Variants in ZC3H11A observed in about 807,000 individuals in gnomAD.
ZC3H11A encodes the protein zinc finger CCCH domain-containing protein 11A.
Under a neutral mutation model 90.8 loss-of-function variants are expected in ZC3H11A, and 22 were observed. The observed-to-expected ratio is 0.24, with a 90% CI of 0.17 to 0.35. ZC3H11A has a LOEUF of 0.35. Ranked by LOEUF, ZC3H11A falls within the 10% of genes least tolerant of loss-of-function variation. ZC3H11A has a pLI of 1.00. For missense variants in ZC3H11A, 701 were observed against 964.9 expected (o/e 0.73, Z 3.62); for synonymous variants, 294 against 339.8 (o/e 0.87, Z 1.48).
Position 203,829,267 on chromosome 1 carries a change from G to T in ZC3H11A, c.299-184G>T. 9.6e-6 allele frequency: 6 copies of T among 626,552 alleles called. No individual in the cohort carries two copies. In the South Asian group the frequency reaches 1.2e-4, roughly 12 times the overall value. 38.8% of individuals were successfully genotyped at this position (626,552 alleles called of 1,614,324 possible). A position where few individuals can be genotyped will look rare whatever the true frequency, so the allele number is the denominator to read the frequency against. ...TGTGTTTATGTACAGTGGAGAGTTA[G>T]TGGAGAGTTAATTAGGTAAAAGCAC... On this transcript the variant is annotated intron_variant, in intron 5 of 17. Coordinates refer to ENST00000367210, the MANE Select transcript of ZC3H11A (RefSeq NM_001376342.1).
At chr1:203,836,372 C>G (rs1469471737) in intron 10 of ZC3H11A, among the ~76,000 whole-genome samples, 1 of 152,100 alleles carries the variant, frequency 6.6e-6, no homozygotes, top group South Asian at 2.1e-4. Flanking sequence ...TGATACCTTG[C>G]AAACAATGTA....
chr1:203,845,646 T>G (rs1687681223), intron 12 of ZC3H11A, among the ~76,000 whole-genome samples: 1 of 151,918 alleles, frequency 6.6e-6, no homozygotes, highest in African/African-American at 2.4e-5. Flanking sequence ...GGTAAATCTC[T>G]TGAGACCAGG....
rs756302658 is a variant in ZC3H11A at position 203,849,890 on chromosome 1, G to A, written c.1803G>A (p.Val601=). The A allele has an allele frequency of 6.2e-7, 1 of 1,614,084 alleles. No homozygotes were observed. Among genetic ancestry groups the A allele is most frequent in the Non-Finnish European group, 8.5e-7 (1 of 1,180,022 alleles). Residue 601 remains valine (V), a synonymous_variant, in exon 15 of 18, where the codon GTG becomes GTA. Coordinates refer to ENST00000367210, the MANE Select transcript of ZC3H11A (RefSeq NM_001376342.1). ...CAGAGAAACCAGTGCTCACTGCTGTGCCAGGAATCACACGGCACCTGACCA... is the reference window on the plus strand; with the variant it reads ...CAGAGAAACCAGTGCTCACTGCTGTACCAGGAATCACACGGCACCTGACCA... ...QVAEKPVLTA[V]PGITRHLTKR... is the part of the protein sequence containing the mutation.
chr1:203,798,902 A>G, intron 1 of ZC3H11A: 2 of 1,536,144 alleles, frequency 1.3e-6, no homozygotes, highest in South Asian at 1.2e-5. Flanking sequence ...TACCTCAGTT[A>G]TATGATTGTG....
Position 203,818,556 on chromosome 1 carries a change from C to G in ZC3H11A, c.55-14C>G, listed in dbSNP as rs769755052. On this transcript the variant is annotated splice_polypyrimidine_tract_variant and intron_variant, in intron 3 of 17. Transcript: ENST00000367210. ...TTCAATGCTACAAATAGAGTGTTCT[C>G]TATTTGTTTACAGGGTGACAGCTGC... The G allele has an allele frequency of 5.0e-6, 8 of 1,613,678 alleles. No homozygotes were observed. The East Asian group carries it at 1.8e-4, about 36-fold the overall frequency.
chr1:203,813,054 A>C (rs1038305427), intron 2 of ZC3H11A, among the ~76,000 whole-genome samples: 1 of 152,054 alleles, frequency 6.6e-6, no homozygotes, highest in Non-Finnish European at 1.5e-5. Context: ...CAAGAGTTAT[A>C]TATTTTGTAT....
At chr1:203,835,808 G>A (rs113996795) in intron 10 of ZC3H11A, 2,881 of 241,054 alleles carry the variant, frequency 0.012, 78 homozygotes, top group African/African-American at 0.056. Flanking sequence ...TTTCATCTGG[G>A]GCATAAACAC....
intron 2 of ZC3H11A, chr1:203,805,900 G>T: frequency 1.4e-6 from 1 of 698,910 alleles, no homozygotes. Context: ...AATCTGGTCA[G>T]TTTTCACTTG....
intron 10 of ZC3H11A, among the ~76,000 whole-genome samples, chr1:203,835,058 C>G (rs1043665017): frequency 6.6e-6 from 1 of 152,198 alleles, no homozygotes; most frequent in African/African-American, 2.4e-5. Context: ...TGATGCAGTT[C>G]TCACTACCCT....
rs937150470 is a variant in ZC3H11A at position 203,852,004 on chromosome 1, C to G, written c.2175-137C>G. ...AAAAAAAAAAAAAAAAAGCTTGATC[C>G]CAAATCAGTAAAAGAATTATTTCTT... On this transcript the variant is annotated intron_variant, in intron 17 of 17. Coordinates refer to ENST00000367210, the MANE Select transcript of ZC3H11A (RefSeq NM_001376342.1). 8 of 526,798 alleles carry G rather than the reference C, an allele frequency of 1.5e-5. No homozygotes were observed. In the African/African-American group the frequency reaches 1.7e-4, roughly 11 times the overall value. The allele number at this position is 526,798 out of a possible 1,614,324, so 32.6% of individuals were successfully genotyped here.
chr1:203,828,261 T>C (rs188662558), intron 4 of ZC3H11A, 38 bp from the exon 5 acceptor site: 1 of 1,612,790 alleles, frequency 6.2e-7, no homozygotes, highest in East Asian at 2.2e-5. Flanking sequence ...TACGTATCAC[T>C]GTTTTATTTG....
chr1:203,848,376 C>A lies in ZC3H11A; in HGVS notation c.1592C>A (p.Ser531Tyr). The A allele has an allele frequency of 6.2e-7, 1 of 1,613,214 alleles. No homozygotes were observed. Among genetic ancestry groups the A allele is most frequent in the East Asian group, 2.2e-5 (1 of 44,762 alleles). The change falls in exon 14 of 18, where the codon TCT (serine) becomes TAT (tyrosine). Residue 531 changes from serine to tyrosine, a missense_variant. Ser to Tyr is a moderately radical substitution (Grantham distance 144). Around this residue, in one of 4 missense-constraint regions of ZC3H11A, gnomAD observed 530 missense variants for 696.2 expected, o/e 0.76. Transcript: ENST00000367210. The part of the protein sequence containing the change: ...KNLQEGNEVD[S>Y]QSSIRTEAKE... Reference sequence around the variant, plus strand: ...CTTCAGGAAGGAAATGAAGTTGATTCTCAGAGCAGTATTAGAACAGAAGCT... The same window carrying A: ...CTTCAGGAAGGAAATGAAGTTGATTATCAGAGCAGTATTAGAACAGAAGCT...
chr1:203,851,719 TTGGGAGAC>T (rs1211739624), intron 17 of ZC3H11A, among the ~76,000 whole-genome samples: 1 of 152,022 alleles, frequency 6.6e-6, no homozygotes, highest in East Asian at 1.9e-4. Context: ...TCCCAACATT[TTGGGAGAC>T]TGGGGCTGGA....
In ZC3H11A at chr1:203,829,441, G is replaced by A. The variant is rs1301921754; in HGVS notation, c.299-10G>A. On this transcript the variant is annotated splice_polypyrimidine_tract_variant and intron_variant, in intron 5 of 17. Coordinates refer to ENST00000367210, the MANE Select transcript of ZC3H11A (RefSeq NM_001376342.1). ...CTGTTTTTAATTTATGACTGATTTT[G>A]TGCGTTTAGCTGTGTTGCCCACTGT... 1.2e-5 allele frequency: 19 copies of A among 1,613,714 alleles called. No individual in the cohort carries two copies. Among genetic ancestry groups the A allele is most frequent in the Non-Finnish European group, 1.5e-5 (18 of 1,179,822 alleles).
chr1:203,810,155 T>G (rs1461414254), intron 2 of ZC3H11A, among the ~76,000 whole-genome samples: 1 of 152,028 alleles, frequency 6.6e-6, no homozygotes, highest in African/African-American at 2.4e-5. Context: ...TTTTGTTTTT[T>G]TTTTAAGAGA....
intron 10 of ZC3H11A, 52 bp from the exon 11 acceptor site, chr1:203,837,914 T>A (rs1684884400): frequency 6.5e-7 from 1 of 1,548,592 alleles, no homozygotes; most frequent in Non-Finnish European, 8.8e-7. Context: ...GTATTTCTTG[T>A]CCTTGCTGAA....
At chr1:203,811,273 A>C (rs1053203297) in intron 2 of ZC3H11A, among the ~76,000 whole-genome samples, 19 of 152,098 alleles carry the variant, frequency 1.2e-4, no homozygotes, top group African/African-American at 4.6e-4. Flanking sequence ...GTGCCATTGC[A>C]CTTCAGCCTG....
intron 12 of ZC3H11A, among the ~76,000 whole-genome samples, chr1:203,842,525 T>A (rs958202771): frequency 3.3e-5 from 5 of 149,594 alleles, no homozygotes; most frequent in African/African-American, 5.0e-5. Flanking sequence ...GCAGGGAGGT[T>A]GCAGTGAGCC....
At chr1:203,851,394 A>G (rs1254328402) in intron 17 of ZC3H11A, among the ~76,000 whole-genome samples, 1 of 152,146 alleles carries the variant, frequency 6.6e-6, no homozygotes, top group Non-Finnish European at 1.5e-5. Context: ...CAGTGGCACA[A>G]TCTCTGCTCA....
Sources: allele counts gnomAD v4.1 joint callset (sites outside exome capture counted in the v4.1 genomes callset), GRCh38; gene constraint gnomAD v4.1.1; regional missense constraint gnomAD v4.1.1; transcripts MANE v1.5; gene names NCBI Gene and HGNC (gene_info 2026-07-23, HGNC 2026-07-21).